PCDHA12: variants seen among roughly 807,000 people sequenced by gnomAD.
The protein encoded by PCDHA12 is protocadherin alpha 12, also known as protocadherin alpha-12.
A neutral mutation model predicts 60.0 loss-of-function variants in PCDHA12; 44 were observed. That is an observed-to-expected ratio of 0.73 (90% CI 0.58 to 0.94). PCDHA12 has a LOEUF of 0.94. Ranked by LOEUF, PCDHA12 falls within the 40% of genes least tolerant of loss-of-function variation. PCDHA12 has a pLI of 0.00. For missense variants in PCDHA12, 1,276 were observed against 1,239.7 expected, an observed-to-expected ratio of 1.03 and a Z score of -0.44; for synonymous variants, 569 against 553.0, an observed-to-expected ratio of 1.03 and a Z score of -0.40.
chr5:140,906,798 C>T (rs1456677849), intron 1 of PCDHA12, among the ~76,000 whole-genome samples: 1 of 152,192 alleles, frequency 6.6e-6, no homozygotes, highest in Non-Finnish European at 1.5e-5. Context: ...TCCATGCATA[C>T]TCTTCCTTAC....
Position 141,010,175 on chromosome 5 carries a change from A to G in PCDHA12, c.*238A>G. The G allele has an allele frequency of 6.4e-7, 1 of 1,556,224 alleles. No homozygotes were observed. The highest frequency in any genetic ancestry group is 8.7e-7 in the Non-Finnish European group (1 of 1,149,078). On this transcript the variant is annotated 3_prime_UTR_variant, in exon 4 of 4. Coordinates refer to ENST00000398631, the MANE Select transcript of PCDHA12 (RefSeq NM_018903.4). ...TCTGGCTTGTTTTCAGAACCTAAAA[A>G]GCAGACCCAAGTTTCCTTTCTCCTC...
At chr5:140,945,125 T>G (rs405192) in intron 1 of PCDHA12, among the ~76,000 whole-genome samples, 86,337 of 151,830 alleles carry the variant, frequency 0.57, 25,231 homozygotes, top group African/African-American at 0.71. Flanking sequence ...AAAAATCAAC[T>G]TACAAAAATC....
At chr5:140,923,093 A>G (rs1372910044) in intron 1 of PCDHA12, among the ~76,000 whole-genome samples, 3 of 152,194 alleles carry the variant, frequency 2.0e-5, no homozygotes, top group Admixed American at 6.5e-5. Flanking sequence ...TATTTGACCA[A>G]TGGGAGTATG....
At position 140,884,316 on chromosome 5, in the gene PCDHA12, C is replaced by T. The variant is rs563652109; in HGVS notation, c.2367+6477C>T. The T allele has an allele frequency of 3.1e-6, 5 of 1,613,752 alleles. No individual in the cohort carries two copies. The East Asian group carries it at 8.9e-5, about 29-fold the overall frequency. On this transcript the variant is annotated intron_variant, in intron 1 of 3. Coordinates refer to ENST00000398631, the MANE Select transcript of PCDHA12 (RefSeq NM_018903.4). ...GCGCCACAGGCTTCGTCGAGGGCGT[C>T]GGCAGGCGCTGTGGGTCCAGAAGCG...
At chr5:140,984,826 T>C (rs1554246543) in intron 3 of PCDHA12, among the ~76,000 whole-genome samples, 4 of 152,188 alleles carry the variant, frequency 2.6e-5, no homozygotes, top group African/African-American at 9.6e-5. Context: ...TTAATTACCC[T>C]TTCTGTAAAT....
chr5:140,941,341 G>A (rs1413393487), intron 1 of PCDHA12, among the ~76,000 whole-genome samples: 1 of 119,412 alleles, frequency 8.4e-6, no homozygotes, highest in African/African-American at 3.2e-5. Flanking sequence ...TTTTCAGATG[G>A]AGTCTTGCTC....
At chr5:140,927,258 T>C in intron 1 of PCDHA12, 1 of 1,613,878 alleles carries the variant, frequency 6.2e-7, no homozygotes, top group Non-Finnish European at 8.5e-7. Context: ...ACAACTCACC[T>C]CTCTTTCCTG....
chr5:140,904,707 C>T (rs561558058), intron 1 of PCDHA12, among the ~76,000 whole-genome samples: 1 of 152,244 alleles, frequency 6.6e-6, no homozygotes, highest in African/African-American at 2.4e-5. Context: ...TCCCTTTTCA[C>T]CACATTCTGG....
chr5:140,983,030 T>C (rs1333101014), intron 3 of PCDHA12, among the ~76,000 whole-genome samples: 1 of 151,922 alleles, frequency 6.6e-6, no homozygotes, highest in African/African-American at 2.4e-5. Context: ...GGAAGATGGT[T>C]TCTCATGGAA....
chr5:140,893,530 A>G (rs2064036357), intron 1 of PCDHA12, among the ~76,000 whole-genome samples: 1 of 152,056 alleles, frequency 6.6e-6, no homozygotes, highest in South Asian at 2.1e-4. Context: ...TCCTTTAAGT[A>G]TTTCTTGTAG....
chr5:140,988,075 A>G (rs139957067), intron 3 of PCDHA12, among the ~76,000 whole-genome samples: 4 of 152,258 alleles, frequency 2.6e-5, no homozygotes, highest in Non-Finnish European at 4.4e-5. Flanking sequence ...TTTCTATTTC[A>G]TGAGTGAGTG....
intron 1 of PCDHA12, among the ~76,000 whole-genome samples, chr5:140,953,431 G>A (rs782512202): frequency 6.6e-5 from 10 of 152,088 alleles, no homozygotes; most frequent in Non-Finnish European, 1.2e-4. Flanking sequence ...TTGTCCTTAA[G>A]CTGGAGAAAC....
At chr5:141,009,217 G>T (rs1554262066) in intron 3 of PCDHA12, among the ~76,000 whole-genome samples, 1 of 152,234 alleles carries the variant, frequency 6.6e-6, no homozygotes, top group African/African-American at 2.4e-5. Flanking sequence ...CACTTTGGGA[G>T]GCCAAGGTGG....
chr5:140,929,443 T>C, intron 1 of PCDHA12: 1 of 1,426,882 alleles, frequency 7.0e-7, no homozygotes, highest in Non-Finnish European at 9.3e-7. Flanking sequence ...AAACACTCCT[T>C]CTTAGCACTT....
intron 1 of PCDHA12, among the ~76,000 whole-genome samples, chr5:140,884,893 G>T (rs1186873075): frequency 1.3e-5 from 2 of 152,138 alleles, no homozygotes; most frequent in East Asian, 1.9e-4. Context: ...AGAATATTTT[G>T]TTTCTGTTGT....
chr5:141,006,921 A>G (rs1229765479), intron 3 of PCDHA12, among the ~76,000 whole-genome samples: 1 of 152,176 alleles, frequency 6.6e-6, no homozygotes, highest in Non-Finnish European at 1.5e-5. Context: ...TGCCCATGAG[A>G]TTTCCAACTG....
intron 1 of PCDHA12, chr5:140,884,552 G>A (rs1554181720): frequency 6.2e-7 from 1 of 1,614,142 alleles, no homozygotes; most frequent in East Asian, 2.2e-5. Context: ...GTGCTCTGGG[G>A]AGGGCCCGCA....
At chr5:140,917,330 A>G (rs155802) in intron 1 of PCDHA12, among the ~76,000 whole-genome samples, 15,235 of 96,446 alleles carry the variant, frequency 0.16, 1,247 homozygotes, top group East Asian at 0.38. Context: ...GTGGCGGGGG[A>G]GGGGGGGGAT....
At chr5:140,926,611 A>G in intron 1 of PCDHA12, 1 of 348,974 alleles carries the variant, frequency 2.9e-6, no homozygotes, top group Non-Finnish European at 5.1e-6. Context: ...TCGTCTCTGC[A>G]CCCCTAGGCG....
Sources: gnomAD v4.1 joint callset for allele counts (sites outside exome capture counted in the v4.1 genomes callset) on GRCh38, gnomAD v4.1.1 for gene constraint, MANE v1.5 for transcripts, NCBI Gene and HGNC (gene_info 2026-07-23, HGNC 2026-07-21) for gene names.